LRMDA: variants seen among roughly 807,000 people sequenced by gnomAD.
The protein encoded by LRMDA is leucine rich melanocyte differentiation associated.
A neutral mutation model predicts 29.8 loss-of-function variants in LRMDA; 18 were observed. That is an observed-to-expected ratio of 0.60 (90% CI 0.42 to 0.90). The LOEUF is 0.90. Among genes scored for constraint, LRMDA ranks in the 40% least tolerant of loss-of-function variants. The pLI is 0.00. For missense variants in LRMDA, 273 were observed against 273.9 expected, an observed-to-expected ratio of 1.00 and a Z score of 0.02; for synonymous variants, 125 against 109.4, an observed-to-expected ratio of 1.14 and a Z score of -0.89.
intron 2 of LRMDA, among the ~76,000 whole-genome samples, chr10:75,572,789 G>A (rs991456352): frequency 3.9e-5 from 6 of 152,134 alleles, no homozygotes; most frequent in African/African-American, 1.4e-4. Flanking sequence ...CTTCAGGGAG[G>A]TAATTAAGTT....
intron 2 of LRMDA, among the ~76,000 whole-genome samples, chr10:75,483,867 G>GTTTTTTTTTTTTTTTTTTTTT (rs548925147): frequency 8.4e-6 from 1 of 119,142 alleles, no homozygotes. Flanking sequence ...GTATGGAGAG[G>GTTTTTTTTTTTTTTTTTTTTT]TTTTTTTTTT....
intron 2 of LRMDA, among the ~76,000 whole-genome samples, chr10:75,998,164 A>G (rs1847503862): frequency 6.6e-6 from 1 of 152,164 alleles, no homozygotes; most frequent in South Asian, 2.1e-4. Flanking sequence ...CCGTTTGTAA[A>G]GCATATCATG....
chr10:75,640,318 G>A (rs1841437277), intron 2 of LRMDA, among the ~76,000 whole-genome samples: 1 of 152,130 alleles, frequency 6.6e-6, no homozygotes, highest in South Asian at 2.1e-4. Flanking sequence ...TTTCTAAGGA[G>A]GTACTCTTAA....
chr10:76,293,147 A>AT (rs1343725564), intron 5 of LRMDA, among the ~76,000 whole-genome samples: 2 of 151,976 alleles, frequency 1.3e-5, no homozygotes, highest in African/African-American at 4.8e-5. Flanking sequence ...CACCTGGCTA[A>AT]TTTTTGTGTT....
At chr10:75,937,129 A>G (rs914688976) in intron 2 of LRMDA, among the ~76,000 whole-genome samples, 2 of 152,192 alleles carry the variant, frequency 1.3e-5, no homozygotes, top group Non-Finnish European at 2.9e-5. Flanking sequence ...CAAGAATGAC[A>G]AGATACTCTC....
At chr10:75,858,938 G>A (rs764175121) in intron 2 of LRMDA, among the ~76,000 whole-genome samples, 4 of 152,140 alleles carry the variant, frequency 2.6e-5, no homozygotes, top group Non-Finnish European at 4.4e-5. Context: ...CCACAGGCAC[G>A]TTTATTTATG....
chr10:75,509,022 GTTTCC>G (rs939186912), intron 2 of LRMDA, among the ~76,000 whole-genome samples: 13 of 152,282 alleles, frequency 8.5e-5, no homozygotes, highest in African/African-American at 2.9e-4. Flanking sequence ...CAGGCTTCTG[GTTTCC>G]TTTCCTTTTC....
chr10:75,742,859 G>C (rs1842846719), intron 2 of LRMDA: 1 of 152,226 alleles, frequency 6.6e-6, no homozygotes, highest in South Asian at 2.1e-4. Context: ...TGTTCTCCAG[G>C]TGACTTTAAT....
At position 76,454,413 on chromosome 10, in the gene LRMDA, G is replaced by A. The variant is rs1842436486; in HGVS notation, c.602-102796G>A. On this transcript the variant is annotated intron_variant, in intron 6 of 6. Transcript: ENST00000611255. ...AGACTCCCTAAAAAGGCAGATTTTGGTCACTCCGAGGCTGCATTATTCTTT... is the reference window on the plus strand; with the variant it reads ...AGACTCCCTAAAAAGGCAGATTTTGATCACTCCGAGGCTGCATTATTCTTT... Among the ~76,000 whole-genome samples, 5 of 152,174 alleles carry A rather than the reference G, an allele frequency of 3.3e-5. No homozygotes were observed. In the South Asian group the frequency reaches 1.0e-3, roughly 32 times the overall value.
intron 6 of LRMDA, among the ~76,000 whole-genome samples, chr10:76,336,374 C>T (rs116410978): frequency 1.1e-4 from 17 of 152,294 alleles, no homozygotes; most frequent in African/African-American, 4.1e-4. Flanking sequence ...TCTTAGTCCT[C>T]AGCTCTTTAT....
intron 2 of LRMDA, among the ~76,000 whole-genome samples, chr10:75,543,335 C>G (rs1287877881): frequency 6.6e-6 from 1 of 152,126 alleles, no homozygotes; most frequent in African/African-American, 2.4e-5. Context: ...CCCTGTAGTG[C>G]CAGGGGCTAA....
At chr10:76,322,723 T>G (rs1195494427) in intron 5 of LRMDA, among the ~76,000 whole-genome samples, 1 of 152,130 alleles carries the variant, frequency 6.6e-6, no homozygotes, top group East Asian at 1.9e-4. Flanking sequence ...AAACTAAAAC[T>G]CATGTTGGAT....
At chr10:75,911,163 T>C (rs1232841296) in intron 2 of LRMDA, among the ~76,000 whole-genome samples, 1 of 152,170 alleles carries the variant, frequency 6.6e-6, no homozygotes, top group East Asian at 1.9e-4. Flanking sequence ...CACTCTGACA[T>C]TGGCAAGAAA....
intron 5 of LRMDA, among the ~76,000 whole-genome samples, chr10:76,106,573 A>G (rs1290780842): frequency 6.6e-6 from 1 of 152,156 alleles, no homozygotes. Flanking sequence ...ACAAGCATCT[A>G]TGTGATCACC....
intron 2 of LRMDA, among the ~76,000 whole-genome samples, chr10:76,008,522 C>G (rs953501003): frequency 2.0e-5 from 3 of 152,214 alleles, no homozygotes; most frequent in African/African-American, 7.2e-5. Context: ...GCTGGCTTCT[C>G]TCTTGAGGTG....
chr10:75,936,403 C>G (rs980294378), intron 2 of LRMDA, among the ~76,000 whole-genome samples: 14 of 152,290 alleles, frequency 9.2e-5, no homozygotes, highest in African/African-American at 3.1e-4. Flanking sequence ...ACATTCTCTT[C>G]CTGGTATATA....
intron 5 of LRMDA, among the ~76,000 whole-genome samples, chr10:76,268,404 C>G (rs955884328): frequency 6.6e-6 from 1 of 152,216 alleles, no homozygotes; most frequent in African/African-American, 2.4e-5. Context: ...CTGCACTTGC[C>G]CTCCATGGGG....
At chr10:75,927,428 T>C (rs1846138584) in intron 2 of LRMDA, among the ~76,000 whole-genome samples, 1 of 152,210 alleles carries the variant, frequency 6.6e-6, no homozygotes, top group East Asian at 1.9e-4. Context: ...AGAGAGCTTC[T>C]ATCAAGACTC....
At chr10:76,006,153 A>C (rs1215773093) in intron 2 of LRMDA, among the ~76,000 whole-genome samples, 1 of 152,120 alleles carries the variant, frequency 6.6e-6, no homozygotes, top group East Asian at 1.9e-4. Flanking sequence ...GAGTCTGTGA[A>C]CATTTAAGGA....
Sources: allele counts gnomAD v4.1 joint callset (sites outside exome capture counted in the v4.1 genomes callset), GRCh38; gene constraint gnomAD v4.1.1; transcripts MANE v1.5; gene names NCBI Gene and HGNC (gene_info 2026-07-23, HGNC 2026-07-21).